The following GGTA1 variants were observed in gnomAD, a reference collection of about 807,000 sequenced individuals.
The protein encoded by GGTA1 is glycoprotein alpha-galactosyltransferase 1 (inactive), also known as inactive N-acetyllactosaminide alpha-1,3-galactosyltransferase.
In GGTA1, 5 loss-of-function variants were observed where a neutral mutation model predicts 2.6. The ratio of observed to expected loss-of-function variants is 1.92; its 90% CI spans 1.00 to 4.04. The LOEUF is 4.04. GGTA1 is among the 30% of genes most tolerant of loss of function. The probability of loss-of-function intolerance (pLI) is 0.00; values close to 1 mark genes in which losing one functional copy is unlikely to be tolerated. For synonymous variants in GGTA1, 17 were observed against 5.0 expected, an observed-to-expected ratio of 3.38 and a Z score of -3.19; for missense variants, 50 against 16.7, an observed-to-expected ratio of 2.99 and a Z score of -3.47.
At chr9:121,498,388 G>A (rs897195248) in intron 1 of GGTA1, among the ~76,000 whole-genome samples, 1 of 152,194 alleles carries the variant, frequency 6.6e-6, no homozygotes, top group Non-Finnish European at 1.5e-5. Flanking sequence ...ATGTAACTCC[G>A]AAAGAGGTAG....
chr9:121,470,834 A>T (rs1828371916), intron 1 of GGTA1, among the ~76,000 whole-genome samples: 1 of 152,258 alleles, frequency 6.6e-6, no homozygotes, highest in African/African-American at 2.4e-5. Context: ...ATTACCAGCC[A>T]TTATTCTGGA....
chr9:121,480,962 G>A (rs958130142), intron 1 of GGTA1, among the ~76,000 whole-genome samples: 1 of 151,680 alleles, frequency 6.6e-6, no homozygotes, highest in East Asian at 2.0e-4. Context: ...GATCATCCTG[G>A]CTAACACGGT....
intron 2 of GGTA1, among the ~76,000 whole-genome samples, chr9:121,464,074 A>G (rs1192502476): frequency 2.0e-5 from 3 of 152,136 alleles, no homozygotes; most frequent in African/African-American, 7.2e-5. Context: ...TCTCCTCAAC[A>G]ACCCTTCTCC....
At position 121,473,135 on chromosome 9, in the gene GGTA1, C is replaced by T. The variant is rs1828427961; in HGVS notation, c.-9-5204G>A. Among the ~76,000 whole-genome samples the T allele has an allele frequency of 2.0e-5, 3 of 152,008 alleles. No individual in the cohort carries two copies. In the South Asian group the frequency reaches 6.2e-4, roughly 31 times the overall value. On this transcript the variant is annotated intron_variant, in intron 1 of 5. Transcript: ENST00000481799. Reference sequence around the variant, plus strand: ...AGGAGTTCGAGACCAGCCTGGCCAACATGGCAAAACCCCTTCTCTACTAAA... The same window carrying T: ...AGGAGTTCGAGACCAGCCTGGCCAATATGGCAAAACCCCTTCTCTACTAAA...
chr9:121,476,769 C>A lies in GGTA1; in HGVS notation c.-9-8838G>T. ...GTGTCAGGGTCCTCATGTGCACAAG[C>A]CCCTTTGCAAGACTGGGCCTGATTT... On this transcript the variant is annotated intron_variant, in intron 1 of 5. Coordinates refer to ENST00000481799, the MANE Select transcript of GGTA1 (RefSeq NM_001382585.1). This position sits in a 1 kb window ranked among gnomAD's most constrained non-coding sequence, Gnocchi z 4.6. 6.6e-6 allele frequency among the ~76,000 whole-genome samples: 1 copy of A among 152,188 alleles called. No homozygotes were observed.
chr9:121,471,789 A>G (rs561140973), intron 1 of GGTA1, among the ~76,000 whole-genome samples: 3 of 152,228 alleles, frequency 2.0e-5, no homozygotes, highest in Non-Finnish European at 2.9e-5. Flanking sequence ...TGGCAAAGTC[A>G]GAAAAGGCAG....
At chr9:121,491,965 T>C (rs188249973) in intron 1 of GGTA1, among the ~76,000 whole-genome samples, 2 of 152,272 alleles carry the variant, frequency 1.3e-5, no homozygotes, top group East Asian at 1.9e-4. Flanking sequence ...ATTGTGTCTA[T>C]CTTGTTCATG....
intron 1 of GGTA1, among the ~76,000 whole-genome samples, chr9:121,489,207 T>C (rs1482616761): frequency 2.0e-5 from 3 of 152,212 alleles, no homozygotes; most frequent in South Asian, 2.1e-4. Flanking sequence ...ATATTTTATA[T>C]ATATTTTTTT....
At chr9:121,445,214 T>C (rs2064847335) in exon 8 of GGTA1, 1 of 152,226 alleles carries the variant, frequency 6.6e-6, no homozygotes, top group Non-Finnish European at 1.5e-5. Flanking sequence ...AAGCTCTGCC[T>C]ACTCCAGACT....
At chr9:121,470,131 G>A (rs1420118281) in intron 1 of GGTA1, among the ~76,000 whole-genome samples, 2 of 152,170 alleles carry the variant, frequency 1.3e-5, no homozygotes, top group Admixed American at 1.3e-4. Context: ...AGCTTTTCCT[G>A]TGTCTCCTCT....
Position 121,458,135 on chromosome 9 carries a change from C to T in GGTA1, c.298+1969G>A, listed in dbSNP as rs1174654538. Among the ~76,000 whole-genome samples the T allele has an allele frequency of 2.0e-5, 3 of 151,574 alleles. No homozygotes were observed. The East Asian group carries it at 6.0e-4, about 30-fold the overall frequency. On this transcript the variant is annotated intron_variant, in intron 5 of 5. Transcript: ENST00000481799. ...ATGTTGCCCAGGCTGTTCTTGAACTCCTGAGCTCAGGCAATCCACCTGTCT... is the reference window on the plus strand; with the variant it reads ...ATGTTGCCCAGGCTGTTCTTGAACTTCTGAGCTCAGGCAATCCACCTGTCT...
chr9:121,478,958 C>T (rs759325802), intron 1 of GGTA1: 2 of 431,980 alleles, frequency 4.6e-6, no homozygotes, highest in Admixed American at 5.6e-5. Context: ...AAGACTTGCC[C>T]CCTGCTCCTG....
intron 1 of GGTA1, among the ~76,000 whole-genome samples, chr9:121,487,858 G>A (rs1285727001): frequency 1.3e-5 from 2 of 151,960 alleles, no homozygotes; most frequent in African/African-American, 4.8e-5. Flanking sequence ...TGGGATTACA[G>A]GTGCGTGCCA....
chr9:121,453,200 G>GGAAGGCATTT (rs1177594280), downstream of GGTA1, among the ~76,000 whole-genome samples: 1 of 152,226 alleles, frequency 6.6e-6, no homozygotes, highest in African/African-American at 2.4e-5. Context: ...GCGCCAGAAA[G>GGAAGGCATTT]GAAGGCATTT....
At chr9:121,486,580 G>A (rs1828758088) in intron 1 of GGTA1, among the ~76,000 whole-genome samples, 1 of 152,212 alleles carries the variant, frequency 6.6e-6, no homozygotes, top group African/African-American at 2.4e-5. Context: ...TCTCTGTGAG[G>A]TTGTTTTGTG....
At chr9:121,491,381 G>T (rs1355347468) in intron 1 of GGTA1, among the ~76,000 whole-genome samples, 1 of 152,106 alleles carries the variant, frequency 6.6e-6, no homozygotes, top group African/African-American at 2.4e-5. Flanking sequence ...TGCCCCTCCA[G>T]CCACCAGGGC....
intron 1 of GGTA1, among the ~76,000 whole-genome samples, chr9:121,482,103 G>A (rs1025638572): frequency 3.3e-5 from 5 of 152,104 alleles, no homozygotes; most frequent in African/African-American, 1.2e-4. Flanking sequence ...GGACCTGGAT[G>A]GGCCCTGCCT....
intron 1 of GGTA1, chr9:121,494,838 AAGAAAG>A (rs1462693076): frequency 6.6e-6 from 1 of 152,610 alleles, no homozygotes; most frequent in East Asian, 1.9e-4. Flanking sequence ...TAAAGGAAGA[AAGAAAG>A]AAAAGAAAGA....
At chr9:121,457,716 A>AAC (rs1428716138) in intron 5 of GGTA1, among the ~76,000 whole-genome samples, 2 of 149,058 alleles carry the variant, frequency 1.3e-5, no homozygotes, top group East Asian at 2.0e-4. Flanking sequence ...AAAAAAAAAA[A>AAC]CAGTATATAA....
Sources: allele counts gnomAD v4.1 joint callset (sites outside exome capture counted in the v4.1 genomes callset), GRCh38; gene constraint gnomAD v4.1.1; non-coding constraint Gnocchi (gnomAD v3.1); transcripts MANE v1.5; gene names NCBI Gene and HGNC (gene_info 2026-07-23, HGNC 2026-07-21).